RSAD2: variants seen among roughly 807,000 people sequenced by gnomAD.
RSAD2 encodes S-adenosylmethionine-dependent nucleotide dehydratase RSAD2.
Under a neutral mutation model 37.7 loss-of-function variants are expected in RSAD2, and 38 were observed. The ratio of observed to expected loss-of-function variants is 1.01; its 90% confidence interval spans 0.78 to 1.32. The LOEUF (loss-of-function observed/expected upper bound fraction) is 1.32, where lower values mean the gene tolerates loss of function less well. Ranked by LOEUF, RSAD2 falls within the 40% of genes most tolerant of loss-of-function variation. The pLI, the probability that RSAD2 is intolerant of heterozygous loss-of-function variation, is 0.00. For synonymous variants in RSAD2, 163 were observed against 157.4 expected (o/e 1.04, Z -0.27); for missense variants, 428 against 437.5 (o/e 0.98, Z 0.19).
Position 6,883,573 on chromosome 2 carries a change from AT to A in RSAD2, c.508+46del, listed in dbSNP as rs778905915. On this transcript the variant is annotated intron_variant, in intron 2 of 5. Coordinates refer to ENST00000382040, the MANE Select transcript of RSAD2 (RefSeq NM_080657.5). ...TGGCATTCTTCTTATTGCTATTGCTATTTTTATTGTTGGTTCTTATATTTCC... is the reference window on the plus strand; with the variant it reads ...TGGCATTCTTCTTATTGCTATTGCTATTTTATTGTTGGTTCTTATATTTCC... 7.5e-6 allele frequency: 12 copies of A among 1,604,484 alleles called. No homozygotes were observed. In the African/African-American group the frequency reaches 1.5e-4, roughly 20 times the overall value.
chr2:6,894,085 G>C (rs2103249607), intron 5 of RSAD2, among the ~76,000 whole-genome samples: 1 of 152,274 alleles, frequency 6.6e-6, no homozygotes, highest in East Asian at 1.9e-4. Flanking sequence ...TACTTTGAAG[G>C]AAGGCCATAT....
intron 1 of RSAD2, among the ~76,000 whole-genome samples, chr2:6,882,272 C>T (rs928976899): frequency 3.3e-5 from 5 of 151,642 alleles, no homozygotes; most frequent in African/African-American, 9.7e-5. Context: ...AAGAAGAAAA[C>T]GTCCAAAAAA....
At chr2:6,865,960 G>A (rs1663075403) in exon 1 of RSAD2, 2 of 1,180,718 alleles carry the variant, frequency 1.7e-6, no homozygotes, top group Non-Finnish European at 1.1e-6. Flanking sequence ...GGGGCCCCAG[G>A]TGCGCGGCTC....
chr2:6,888,641 C>T (rs1167554773), intron 3 of RSAD2, among the ~76,000 whole-genome samples: 1 of 152,184 alleles, frequency 6.6e-6, no homozygotes, highest in Non-Finnish European at 1.5e-5. Flanking sequence ...GCCTTTCTCT[C>T]AGATATTTTG....
upstream of RSAD2, among the ~76,000 whole-genome samples, chr2:6,875,158 C>T (rs1005950587): frequency 2.1e-4 from 32 of 152,152 alleles, no homozygotes; most frequent in African/African-American, 7.7e-4. Flanking sequence ...GAAAAACTAA[C>T]GTGCACCTAC....
In RSAD2 at chr2:6,883,504, G is replaced by C. The variant is rs1663456581; in HGVS notation, c.480G>C (p.Leu160=). ...TGAGCATCGTGAGCAATGGAAGCCT[G>C]ATCCGGGAGAGGTGGTTCCAGAATT... The part of the protein sequence containing the change: ...PSVSIVSNGS[L]IRERWFQNYG... The change falls in exon 2 of 6, where the codon CTG becomes CTC. Residue 160 remains leucine (L), a synonymous_variant. Transcript: ENST00000382040. 1 of 1,614,100 alleles carries C rather than the reference G, an allele frequency of 6.2e-7. No homozygotes were observed. The highest frequency in any genetic ancestry group is 1.7e-5 in the Admixed American group (1 of 60,016).
At chr2:6,888,623 A>G (rs769916815) in intron 3 of RSAD2, among the ~76,000 whole-genome samples, 1 of 151,848 alleles carries the variant, frequency 6.6e-6, no homozygotes, top group Non-Finnish European at 1.5e-5. Context: ...GTTTTCTCCT[A>G]TCTCATGGCC....
At position 6,896,547 on chromosome 2, in the gene RSAD2, C is replaced by CTTTTT. The variant is rs1558340059; in HGVS notation, c.*608_*609insTTTTT. 18 of 149,134 alleles carry CTTTTT rather than the reference C, an allele frequency of 1.2e-4. No individual in the cohort carries two copies. Among genetic ancestry groups the CTTTTT allele is most frequent in the Non-Finnish European group, 1.5e-4 (10 of 67,380 alleles). 9.2% of individuals were successfully genotyped at this position (149,134 alleles called of 1,614,324 possible). On this transcript the variant is annotated 3_prime_UTR_variant, in exon 6 of 6. Transcript: ENST00000382040. Reference sequence around the variant, plus strand: ...GGTTATAATGCTTTTTTTTTTTTGCCTTTATGCCATTGCAGTCTTGTACTT... The same window carrying CTTTTT: ...GGTTATAATGCTTTTTTTTTTTTGCCTTTTTTTTATGCCATTGCAGTCTTGTACTT...
upstream of RSAD2, among the ~76,000 whole-genome samples, chr2:6,876,233 A>G (rs185657715): frequency 7.2e-5 from 11 of 152,302 alleles, no homozygotes; most frequent in Admixed American, 5.2e-4. Flanking sequence ...AGATATTTCC[A>G]GCCGGCTTCC....
chr2:6,879,852 C>A (rs992547814), intron 1 of RSAD2, among the ~76,000 whole-genome samples: 1 of 152,072 alleles, frequency 6.6e-6, no homozygotes, highest in Non-Finnish European at 1.5e-5. Flanking sequence ...AGGGAAATTA[C>A]GACTTTCATT....
chr2:6,895,954 GA>G lies in RSAD2; in HGVS notation c.*14del. On this transcript the variant is annotated 3_prime_UTR_variant, in exon 6 of 6. Coordinates refer to ENST00000382040, the MANE Select transcript of RSAD2 (RefSeq NM_080657.5). ...AGCTGGATTGGTAGAGCGGAAAGTG[GA>G]ACGAGACTTCAACACACCAGTGGGA... 1 of 1,611,534 alleles carries G rather than the reference GA, an allele frequency of 6.2e-7. No individual in the cohort carries two copies. The highest frequency in any genetic ancestry group is 1.1e-5 in the South Asian group (1 of 90,840).
Position 6,896,126 on chromosome 2 carries a change from A to G in RSAD2, c.*184A>G. The G allele has an allele frequency of 1.9e-6, 1 of 531,538 alleles. No individual in the cohort carries two copies. Among genetic ancestry groups the G allele is most frequent in the African/African-American group, 1.9e-5 (1 of 53,240 alleles). The allele number at this position is 531,538 out of a possible 1,614,324, so 32.9% of individuals were successfully genotyped here. A position where few individuals can be genotyped will look rare whatever the true frequency, so the allele number is the denominator to read the frequency against. ...TAACTTGGATAGCAAATCCTGAGAC[A>G]ATGGAAAACCATTAACTTTACTTCA... On this transcript the variant is annotated 3_prime_UTR_variant, in exon 6 of 6. Coordinates refer to ENST00000382040, the MANE Select transcript of RSAD2 (RefSeq NM_080657.5).
intron 1 of RSAD2, chr2:6,878,878 CT>C: frequency 8.2e-7 from 1 of 1,215,860 alleles, no homozygotes; most frequent in Non-Finnish European, 1.1e-6. Context: ...CCTTGTTTAA[CT>C]TTTTAACAAA....
rs564898530 is a variant in RSAD2, at chr2:6,898,148, A to AT, written c.*2213dup. On this transcript the variant is annotated 3_prime_UTR_variant, in exon 6 of 6. Transcript: ENST00000382040. ...GTTTGAATCTTCTGAGTTGGAATGA[A>AT]TTTTTTTCTAGCTGAGGGAAACTGT... 2.2e-3 allele frequency: 342 copies of AT among 152,256 alleles called. 2 individuals are homozygous for AT. Among genetic ancestry groups the AT allele is most frequent in the African/African-American group, 7.6e-3 (316 of 41,528 alleles). The allele number at this position is 152,256 out of a possible 1,614,324, so 9.4% of individuals were successfully genotyped here.
intron 1 of RSAD2, among the ~76,000 whole-genome samples, chr2:6,866,861 G>A (rs747448676): frequency 2.0e-5 from 3 of 151,168 alleles, no homozygotes; most frequent in Non-Finnish European, 4.4e-5. Context: ...CTTAAACTTG[G>A]GATTATATTT....
At chr2:6,869,516 A>G (rs1188896433) in intron 1 of RSAD2, among the ~76,000 whole-genome samples, 1 of 152,222 alleles carries the variant, frequency 6.6e-6, no homozygotes, top group African/African-American at 2.4e-5. Context: ...GTGAAAGGGA[A>G]AGCCAAAGAG....
Position 6,896,031 on chromosome 2 carries a change from C to A in RSAD2, c.*89C>A. ...CTGCAATACTATCCCGTTGGTATTT[C>A]CCAGTGGCTGAAAACCTGATTTTCT... On this transcript the variant is annotated 3_prime_UTR_variant, in exon 6 of 6. Coordinates refer to ENST00000382040, the MANE Select transcript of RSAD2 (RefSeq NM_080657.5). 1 of 1,326,252 alleles carries A rather than the reference C, an allele frequency of 7.5e-7. No individual in the cohort carries two copies. Among genetic ancestry groups the A allele is most frequent in the Non-Finnish European group, 1.0e-6 (1 of 967,786 alleles). 82.2% of individuals were successfully genotyped at this position (1,326,252 alleles called of 1,614,324 possible).
At chr2:6,870,561 C>T (rs1572150630) in intron 1 of RSAD2, among the ~76,000 whole-genome samples, 2 of 152,146 alleles carry the variant, frequency 1.3e-5, no homozygotes, top group African/African-American at 4.8e-5. Context: ...CTATTGGAAC[C>T]TCAAAGAGAA....
Position 6,878,059 on chromosome 2 carries a change from T to A in RSAD2, c.259T>A (p.Cys87Ser). ...CTTCACTCGCCAGTGCAACTACAAA[T>A]GCGGCTTCTGTTTCCACACAGCCAA... is the stretch of plus-strand genomic sequence containing the variant. ...YHFTRQCNYKCGFCFHTAKTS... is the reference protein window; with the variant it reads ...YHFTRQCNYKSGFCFHTAKTS... The change falls in exon 1 of 6, where the codon TGC becomes AGC. Residue 87 changes from cysteine (C) to serine (S), a missense_variant. Coordinates refer to ENST00000382040, the MANE Select transcript of RSAD2 (RefSeq NM_080657.5). 1 of 1,614,148 alleles carries A rather than the reference T, an allele frequency of 6.2e-7. No individual in the cohort carries two copies. The highest frequency in any genetic ancestry group is 1.3e-5 in the African/African-American group (1 of 75,042).
Sources: allele counts gnomAD v4.1 joint callset (sites outside exome capture counted in the v4.1 genomes callset), GRCh38; gene constraint gnomAD v4.1.1; transcripts MANE v1.5; gene names NCBI Gene and HGNC (gene_info 2026-07-23, HGNC 2026-07-21).